TGFBR1: variants seen among roughly 807,000 people sequenced by gnomAD.
TGFBR1 encodes TGF-beta receptor type-1.
In TGFBR1, 20 loss-of-function variants were observed where a neutral mutation model predicts 55.1. That is an observed-to-expected ratio of 0.36 (90% CI 0.26 to 0.53). The LOEUF is 0.53. TGFBR1 is among the 20% of genes least tolerant of loss of function. TGFBR1 has a pLI of 0.91. For synonymous variants in TGFBR1, 220 were observed against 214.8 expected, an observed-to-expected ratio of 1.02 and a Z score of -0.21; for missense variants, 385 against 617.6, an observed-to-expected ratio of 0.62 and a Z score of 3.99.
rs77716980 is a variant in TGFBR1 at position 99,124,944 on chromosome 9, T to C, written c.98-3911T>C. Among the ~76,000 whole-genome samples the C allele has an allele frequency of 1.3e-3, 198 of 152,288 alleles. 2 individuals carry two copies. The East Asian group carries it at 0.033, about 25-fold the overall frequency. On this transcript the variant is annotated intron_variant, in intron 1 of 8. Coordinates refer to ENST00000374994, the MANE Select transcript of TGFBR1 (RefSeq NM_004612.4). ...AATTCTGTAGACATGAAACTAGATATAAAACCCTTATGTTCTTGGCTCATA... is the reference window on the plus strand; with the variant it reads ...AATTCTGTAGACATGAAACTAGATACAAAACCCTTATGTTCTTGGCTCATA...
chr9:99,108,773 C>G (rs1178300124), intron 1 of TGFBR1, among the ~76,000 whole-genome samples: 2 of 152,174 alleles, frequency 1.3e-5, no homozygotes, highest in Non-Finnish European at 2.9e-5. Flanking sequence ...GTATTAACCT[C>G]TATCATTTTT....
At chr9:99,140,824 A>G (rs1001245368) in intron 4 of TGFBR1, among the ~76,000 whole-genome samples, 2 of 152,184 alleles carry the variant, frequency 1.3e-5, no homozygotes, top group Non-Finnish European at 2.9e-5. Context: ...GGATTTTGTC[A>G]CATTCCAAGT....
chr9:99,132,618 C>T lies in TGFBR1; in HGVS notation c.453C>T (p.Arg151=). The T allele has an allele frequency of 6.2e-6, 10 of 1,614,188 alleles. No individual in the cohort carries two copies. Among genetic ancestry groups the T allele is most frequent in the Non-Finnish European group, 8.5e-6 (10 of 1,180,020 alleles). The change falls in exon 3 of 9, where the codon CGC becomes CGT. Residue 151 remains arginine (R), a synonymous_variant. Transcript: ENST00000374994. ...LMLMVYICHN[R]TVIHHRVPNE... ...TGATGGTCTATATCTGCCACAACCG[C>T]ACTGTCATTCACCATCGAGTGCCAA...
Position 99,137,849 on chromosome 9 carries a change from T to G in TGFBR1, c.575-10T>G. ...TGATTGTGTTGAGTACTATTTATTTTTACCTTTAGGTTTACCATTGCTTGT... is the reference window on the plus strand; with the variant it reads ...TGATTGTGTTGAGTACTATTTATTTGTACCTTTAGGTTTACCATTGCTTGT... On this transcript the variant is annotated splice_polypyrimidine_tract_variant and intron_variant, in intron 3 of 8. Transcript: ENST00000374994. The G allele has an allele frequency of 6.2e-7, 1 of 1,609,912 alleles. No homozygotes were observed. Among genetic ancestry groups the G allele is most frequent in the Admixed American group, 1.7e-5 (1 of 59,998 alleles).
Position 99,151,602 on chromosome 9 carries a change from T to C in TGFBR1, c.*2297T>C, listed in dbSNP as rs1032072356. On this transcript the variant is annotated 3_prime_UTR_variant, in exon 9 of 9. Transcript: ENST00000374994. ...CCACTTTTGCTGAAGATATTTTTTA[T>C]TGAATCAAAGATTGAGTTACAATTA... 2.6e-5 allele frequency: 6 copies of C among 230,102 alleles called. No individual in the cohort carries two copies. Among genetic ancestry groups the C allele is most frequent in the African/African-American group, 1.3e-4 (6 of 45,208 alleles). The allele number at this position is 230,102 out of a possible 1,614,324, so 14.3% of individuals were successfully genotyped here. A position where few individuals can be genotyped will look rare whatever the true frequency, so the allele number is the denominator to read the frequency against.
At chr9:99,142,491 A>C in intron 4 of TGFBR1, 45 bp from the exon 5 acceptor site, 1 of 1,609,904 alleles carries the variant, frequency 6.2e-7, no homozygotes, top group East Asian at 2.2e-5. Context: ...CAAATAAATC[A>C]TAAATGGTCT....
chr9:99,149,065 TAAAC>T, intron 8 of TGFBR1, 111 bp from the exon 9 acceptor site: 3 of 1,116,000 alleles, frequency 2.7e-6, no homozygotes, highest in Middle Eastern at 5.0e-4. Flanking sequence ...AAATAATGCT[TAAAC>T]AATAACAAGT....
At chr9:99,104,674 A>G (rs897692393), upstream of TGFBR1, among the ~76,000 whole-genome samples, 1 of 152,032 alleles carries the variant, frequency 6.6e-6, no homozygotes, top group Non-Finnish European at 1.5e-5. Context: ...CGGAGCTGTG[A>G]ATGGGGTCAG....
intron 7 of TGFBR1, among the ~76,000 whole-genome samples, 184 bp from the exon 8 acceptor site, chr9:99,147,470 A>C (rs1827833129): frequency 6.6e-6 from 1 of 152,158 alleles, no homozygotes; most frequent in African/African-American, 2.4e-5. Context: ...GTGTGGGTGG[A>C]ATATCAACTC....
intron 6 of TGFBR1, chr9:99,145,993 G>C (rs1827782993): frequency 1.4e-5 from 3 of 207,644 alleles, no homozygotes; most frequent in African/African-American, 7.2e-5. Flanking sequence ...CCAGCTAAGG[G>C]GTCCTTGTCA....
At chr9:99,126,452 G>A (rs900763932) in intron 1 of TGFBR1, among the ~76,000 whole-genome samples, 1 of 152,144 alleles carries the variant, frequency 6.6e-6, no homozygotes, top group African/African-American at 2.4e-5. Flanking sequence ...TAATCTTTGT[G>A]TGCTAAGCTT....
At chr9:99,146,298 G>T (rs1827793853) in intron 6 of TGFBR1, among the ~76,000 whole-genome samples, 187 bp from the exon 7 acceptor site, 1 of 152,158 alleles carries the variant, frequency 6.6e-6, no homozygotes. Flanking sequence ...TTAGCATTTT[G>T]TGGGATTTAG....
rs1828019489 is a variant in TGFBR1, at chr9:99,152,998, A to C, written c.*3693A>C. The stretch of plus-strand genomic sequence containing the variant: ...CATTCAACCTGTTTATTACAACTTA[A>C]AAGGAACTTCAGTGAATTTGTTTTT... On this transcript the variant is annotated 3_prime_UTR_variant, in exon 9 of 9. Coordinates refer to ENST00000374994, the MANE Select transcript of TGFBR1 (RefSeq NM_004612.4). 1 of 228,802 alleles carries C rather than the reference A, an allele frequency of 4.4e-6. No individual in the cohort carries two copies. The highest frequency in any genetic ancestry group is 1.8e-4 in the South Asian group (1 of 5,492). 14.2% of individuals were successfully genotyped at this position (228,802 alleles called of 1,614,324 possible).
At chr9:99,121,897 A>G (rs1011517984) in intron 1 of TGFBR1, among the ~76,000 whole-genome samples, 4 of 152,114 alleles carry the variant, frequency 2.6e-5, no homozygotes, top group Non-Finnish European at 5.9e-5. Flanking sequence ...TCCTGGATGT[A>G]GTTAAAATAC....
rs575912122 is a variant in TGFBR1 at position 99,125,585 on chromosome 9, A to G, written c.98-3270A>G. 1.9e-4 allele frequency among the ~76,000 whole-genome samples: 29 copies of G among 152,280 alleles called. No homozygotes were observed. In the South Asian group the frequency reaches 6.0e-3, roughly 32 times the overall value. ...CCTGTATTGCCATATGGTCGATTCA[A>G]ATTCCCTTTATTTTTTACTCTTTCT... On this transcript the variant is annotated intron_variant, in intron 1 of 8. Coordinates refer to ENST00000374994, the MANE Select transcript of TGFBR1 (RefSeq NM_004612.4).
chr9:99,144,999 A>T, intron 6 of TGFBR1, 111 bp downstream of exon 6: 1 of 1,244,638 alleles, frequency 8.0e-7, no homozygotes, highest in South Asian at 1.3e-5. Flanking sequence ...ACTTTATTAG[A>T]TTGCCAACAG....
At chr9:99,117,748 G>A (rs1442756404) in intron 1 of TGFBR1, among the ~76,000 whole-genome samples, 1 of 152,110 alleles carries the variant, frequency 6.6e-6, no homozygotes, top group Admixed American at 6.5e-5. Context: ...TATGATGTTA[G>A]GAGTCTTGAT....
At chr9:99,145,465 CTGTT>C (rs1023766912) in intron 6 of TGFBR1, among the ~76,000 whole-genome samples, 8 of 152,160 alleles carry the variant, frequency 5.3e-5, no homozygotes, top group Non-Finnish European at 1.0e-4. Flanking sequence ...TATGTTGTAA[CTGTT>C]TATTTATTTG....
At chr9:99,127,257 A>G (rs1487001794) in intron 1 of TGFBR1, among the ~76,000 whole-genome samples, 3 of 152,178 alleles carry the variant, frequency 2.0e-5, no homozygotes, top group African/African-American at 4.8e-5. Context: ...GTGTGACAGC[A>G]TGCACGAAGT....
Sources: allele counts gnomAD v4.1 joint callset (sites outside exome capture counted in the v4.1 genomes callset), GRCh38; gene constraint gnomAD v4.1.1; transcripts MANE v1.5; gene names NCBI Gene and HGNC (gene_info 2026-07-23, HGNC 2026-07-21).